Variants in POTEE observed in about 807,000 individuals in gnomAD.
POTEE encodes POTE ankyrin domain family member E.
Under a neutral mutation model 74.2 loss-of-function variants are expected in POTEE, and 21 were observed. The observed-to-expected ratio is 0.28, with a 90% CI of 0.20 to 0.41. The LOEUF is 0.41. POTEE is among the 10% of genes least tolerant of loss of function. The probability of loss-of-function intolerance (pLI) is 1.00; values close to 1 mark genes in which losing one functional copy is unlikely to be tolerated. For synonymous variants in POTEE, 211 were observed against 432.8 expected, an observed-to-expected ratio of 0.49 and a Z score of 6.36; for missense variants, 525 against 1,158.6, an observed-to-expected ratio of 0.45 and a Z score of 7.94.
At chr2:131,225,123 T>C (rs1700740253) in intron 6 of POTEE, among the ~76,000 whole-genome samples, 1 of 152,226 alleles carries the variant, frequency 6.6e-6, no homozygotes. Context: ...TCTGTTGCAC[T>C]AGCTTTCAGC....
chr2:131,230,646 C>T (rs1573714233), intron 8 of POTEE, among the ~76,000 whole-genome samples, 190 bp from the exon 9 acceptor site: 1 of 152,090 alleles, frequency 6.6e-6, no homozygotes, highest in South Asian at 2.1e-4. Flanking sequence ...TTTCACCTTA[C>T]ATTTTTTTCT....
intron 2 of POTEE, among the ~76,000 whole-genome samples, chr2:131,212,132 G>A (rs971011769): frequency 3.3e-5 from 5 of 151,378 alleles, no homozygotes; most frequent in Non-Finnish European, 5.9e-5. Flanking sequence ...TCACTGTGTT[G>A]TATTTTTAAA....
chr2:131,217,337 G>A (rs1384063388), intron 2 of POTEE, among the ~76,000 whole-genome samples: 138 of 100,890 alleles, frequency 1.4e-3, no homozygotes, highest in African/African-American at 4.8e-3. Flanking sequence ...TTCTGGGTGC[G>A]GAGCAAAGAG....
intron 6 of POTEE, among the ~76,000 whole-genome samples, chr2:131,225,222 A>G (rs1316508146): frequency 6.6e-6 from 1 of 152,110 alleles, no homozygotes; most frequent in Non-Finnish European, 1.5e-5. Context: ...CAGTAAGTCT[A>G]ATAAAGCCTG....
chr2:131,221,378 C>CG (rs1700612133), intron 4 of POTEE, among the ~76,000 whole-genome samples: 1 of 152,170 alleles, frequency 6.6e-6, no homozygotes, highest in Admixed American at 6.5e-5. Flanking sequence ...CACATATACA[C>CG]GAACAGAATC....
intron 16 of POTEE, among the ~76,000 whole-genome samples, chr2:131,260,775 A>C (rs1701683569): frequency 2.4e-5 from 2 of 83,524 alleles, no homozygotes; most frequent in Non-Finnish European, 4.8e-5. Flanking sequence ...AGATAGTTTG[A>C]CTTCCTCTTT....
chr2:131,220,915 C>T (rs1412333088), intron 4 of POTEE, among the ~76,000 whole-genome samples: 1 of 146,252 alleles, frequency 6.8e-6, no homozygotes, highest in East Asian at 2.0e-4. Context: ...GAGCCGAGAT[C>T]GCGCCACTAC....
intron 8 of POTEE, chr2:131,229,795 C>G (rs1700893205): frequency 6.6e-6 from 1 of 152,074 alleles, no homozygotes; most frequent in African/African-American, 2.4e-5. Context: ...GGGTGCCACC[C>G]AAATATTGAA....
intron 9 of POTEE, among the ~76,000 whole-genome samples, chr2:131,233,976 C>A (rs1333519807): frequency 1.3e-5 from 2 of 151,370 alleles, no homozygotes; most frequent in East Asian, 3.9e-4. Flanking sequence ...ATGGAAAATT[C>A]ATGTAGGATA....
At chr2:131,235,060 T>C (rs1250452896) in intron 9 of POTEE, among the ~76,000 whole-genome samples, 1 of 144,732 alleles carries the variant, frequency 6.9e-6, no homozygotes, top group African/African-American at 2.7e-5. Context: ...CATCCTCCTA[T>C]TGTAGGCAAA....
At chr2:131,215,413 T>C (rs1169007963) in intron 2 of POTEE, among the ~76,000 whole-genome samples, 1 of 152,168 alleles carries the variant, frequency 6.6e-6, no homozygotes, top group Non-Finnish European at 1.5e-5. Context: ...ATTAACTGTG[T>C]GACTCATGAG....
intron 2 of POTEE, among the ~76,000 whole-genome samples, chr2:131,216,385 C>A (rs564512499): frequency 6.6e-6 from 1 of 152,370 alleles, no homozygotes; most frequent in Non-Finnish European, 1.5e-5. Context: ...CCAAAGCAAT[C>A]TTTAGCAAAA....
chr2:131,210,008 G>A (rs1248654117), intron 1 of POTEE, among the ~76,000 whole-genome samples, 189 bp downstream of exon 1: 12 of 119,876 alleles, frequency 1.0e-4, no homozygotes, highest in Admixed American at 1.6e-4. Context: ...CGTGGTGGCG[G>A]GGGTGGTGGG....
intron 8 of POTEE, among the ~76,000 whole-genome samples, chr2:131,230,067 G>A (rs1427014758): frequency 3.3e-5 from 5 of 152,130 alleles, no homozygotes; most frequent in South Asian, 2.1e-4. Context: ...GAGAAGGATC[G>A]TTGGTCCAAG....
intron 9 of POTEE, among the ~76,000 whole-genome samples, chr2:131,233,620 A>G (rs1489724035): frequency 7.8e-6 from 1 of 127,542 alleles, no homozygotes; most frequent in East Asian, 2.3e-4. Context: ...TTTTGGTGTT[A>G]TGCTTTTTTC....
At chr2:131,211,217 A>C (rs1700348364) in intron 2 of POTEE, among the ~76,000 whole-genome samples, 34 bp downstream of exon 2, 1 of 151,880 alleles carries the variant, frequency 6.6e-6, no homozygotes, top group African/African-American at 2.4e-5. Flanking sequence ...AGGTGGTAGG[A>C]ACCTTGTAGG....
At position 131,230,689 on chromosome 2, in the gene POTEE, G is replaced by C. The variant is rs1700925362; in HGVS notation, c.1056-147G>C. ...TTAGAAGCTTAAAGAGAAGTTTGTA[G>C]AATGTATTCATAAGTGGATGGGATA... is the stretch of plus-strand genomic sequence containing the variant. On this transcript the variant is annotated intron_variant, in intron 8 of 17. Transcript: ENST00000683005. The C allele has an allele frequency of 4.3e-6, 3 of 699,708 alleles. No individual in the cohort carries two copies. The Admixed American group carries it at 9.3e-5, about 22-fold the overall frequency. 43.3% of individuals were successfully genotyped at this position (699,708 alleles called of 1,614,324 possible).
chr2:131,225,584 T>TCCCCC (rs1700758658), intron 6 of POTEE, among the ~76,000 whole-genome samples: 1 of 128,084 alleles, frequency 7.8e-6, no homozygotes, highest in African/African-American at 2.6e-5. Context: ...TTTTTTTTTT[T>TCCCCC]GAGATGGGGT....
intron 4 of POTEE, among the ~76,000 whole-genome samples, chr2:131,222,478 TA>T (rs1438754370): frequency 6.6e-6 from 1 of 151,458 alleles, no homozygotes; most frequent in Non-Finnish European, 1.5e-5. Context: ...AACACCTGAG[TA>T]ATGAAATAAT....
Sources: gnomAD v4.1 joint callset for allele counts (sites outside exome capture counted in the v4.1 genomes callset) on GRCh38, gnomAD v4.1.1 for gene constraint, MANE v1.5 for transcripts, NCBI Gene and HGNC (gene_info 2026-07-23, HGNC 2026-07-21) for gene names.